Variants in EEFSEC observed in about 807,000 individuals in gnomAD.
The protein encoded by EEFSEC is selenocysteine-specific elongation factor.
EEFSEC carries 43 observed loss-of-function variants against 42.1 expected under a neutral mutation model. The observed-to-expected ratio is 1.02, with a 90% confidence interval of 0.80 to 1.32. The LOEUF is 1.32. Among genes scored for constraint, EEFSEC ranks in the 40% most tolerant of loss-of-function variants. The pLI, the probability that EEFSEC is intolerant of heterozygous loss-of-function variation, is 0.00. For synonymous variants in EEFSEC, 354 were observed against 339.1 expected (o/e 1.04, Z -0.48); for missense variants, 745 against 803.6 (o/e 0.93, Z 0.88).
At chr3:128,167,949 C>T (rs894942244) in intron 1 of EEFSEC, among the ~76,000 whole-genome samples, 1 of 152,178 alleles carries the variant, frequency 6.6e-6, no homozygotes, top group African/African-American at 2.4e-5. Context: ...ATTCTTCTGC[C>T]TCTGTGAACC....
intron 6 of EEFSEC, among the ~76,000 whole-genome samples, chr3:128,401,388 A>G (rs1022185150): frequency 1.3e-5 from 2 of 152,216 alleles, no homozygotes; most frequent in Admixed American, 6.5e-5. Flanking sequence ...GGCCCTGCAC[A>G]CAATCCTGGA....
intron 4 of EEFSEC, among the ~76,000 whole-genome samples, chr3:128,282,560 C>T (rs1362823844): frequency 6.6e-6 from 1 of 152,214 alleles, no homozygotes; most frequent in South Asian, 2.1e-4. Context: ...CATGTGCACA[C>T]GCGCACATGC....
chr3:128,207,197 A>C (rs569055052), intron 1 of EEFSEC, among the ~76,000 whole-genome samples: 5 of 143,882 alleles, frequency 3.5e-5, no homozygotes, highest in East Asian at 2.2e-4. Flanking sequence ...CTCTCCCTCT[A>C]TTTCCCTTCT....
chr3:128,341,346 C>G lies in EEFSEC; in HGVS notation c.900C>G (p.Arg300=), dbSNP rs114698998. 2.6e-5 allele frequency: 42 copies of G among 1,614,030 alleles called. No individual in the cohort carries two copies. Among genetic ancestry groups the G allele is most frequent in the Non-Finnish European group, 3.5e-5 (41 of 1,180,040 alleles). Reference sequence around the variant, plus strand: ...AGTTTGACCCTAAGCTGCTGGAGCGCGGGTTGGTGTGTGCCCCCGAGTCCC... The same window carrying G: ...AGTTTGACCCTAAGCTGCTGGAGCGGGGGTTGGTGTGTGCCCCCGAGTCCC... ...VTQFDPKLLE[R]GLVCAPESLH... The change falls in exon 5 of 7, where the codon CGC becomes CGG. Residue 300 remains arginine (R), a synonymous_variant. Transcript: ENST00000254730.
intron 6 of EEFSEC, among the ~76,000 whole-genome samples, chr3:128,377,341 C>G (rs1476268357): frequency 6.6e-6 from 1 of 152,264 alleles, no homozygotes; most frequent in Non-Finnish European, 1.5e-5. Context: ...GCTCCGGGCT[C>G]AGACAGAGCT....
intron 6 of EEFSEC, among the ~76,000 whole-genome samples, chr3:128,375,650 T>C (rs1702119): frequency 0.41 from 62,767 of 152,062 alleles, 16,007 homozygotes; most frequent in African/African-American, 0.72. Flanking sequence ...AGGCTCCCTG[T>C]CCTTCTCAAA....
At chr3:128,253,733 C>T (rs2066212771) in intron 2 of EEFSEC, among the ~76,000 whole-genome samples, 1 of 152,132 alleles carries the variant, frequency 6.6e-6, no homozygotes, top group South Asian at 2.1e-4. Context: ...CTGGGTATTG[C>T]CTTTCTCAAG....
chr3:128,221,691 A>G (rs6439122), intron 1 of EEFSEC, among the ~76,000 whole-genome samples: 107,740 of 152,076 alleles, frequency 0.71, 38,402 homozygotes, highest in East Asian at 0.89. Flanking sequence ...ACAAAATTAC[A>G]TGGCATACAG....
chr3:128,195,524 G>A (rs765861407), intron 1 of EEFSEC, among the ~76,000 whole-genome samples: 8 of 152,296 alleles, frequency 5.3e-5, no homozygotes, highest in East Asian at 1.9e-4. Context: ...AGCCACTGTC[G>A]TCTACCAGAT....
intron 1 of EEFSEC, among the ~76,000 whole-genome samples, chr3:128,168,207 G>C (rs1313182689): frequency 6.6e-6 from 1 of 152,196 alleles, no homozygotes; most frequent in Non-Finnish European, 1.5e-5. Context: ...TCTGCAAATA[G>C]TCTGTGAGGG....
At chr3:128,226,336 T>G (rs1017081486) in intron 1 of EEFSEC, among the ~76,000 whole-genome samples, 1 of 152,224 alleles carries the variant, frequency 6.6e-6, no homozygotes, top group Admixed American at 6.5e-5. Flanking sequence ...GGGCCACATG[T>G]GCTCTTGAGA....
intron 4 of EEFSEC, among the ~76,000 whole-genome samples, chr3:128,329,097 C>T (rs2067096866): frequency 6.6e-6 from 1 of 152,190 alleles, no homozygotes; most frequent in Non-Finnish European, 1.5e-5. Flanking sequence ...CTTATCATTA[C>T]TGTCATGGAC....
chr3:128,157,621 A>G (rs893346541), intron 1 of EEFSEC, among the ~76,000 whole-genome samples: 1 of 152,206 alleles, frequency 6.6e-6, no homozygotes, highest in Non-Finnish European at 1.5e-5. Context: ...AAATGGCACA[A>G]CGCAGCCTGG....
intron 1 of EEFSEC, among the ~76,000 whole-genome samples, chr3:128,219,325 A>G (rs2065841183): frequency 6.6e-6 from 1 of 152,120 alleles, no homozygotes; most frequent in Non-Finnish European, 1.5e-5. Context: ...TCACTCCCCC[A>G]CTTGAAAAAC....
the EEFSEC span, among the ~76,000 whole-genome samples, chr3:128,420,719 G>A: frequency 6.6e-6 from 1 of 152,212 alleles, no homozygotes; most frequent in Non-Finnish European, 1.5e-5. Flanking sequence ...CCGGAGGGGA[G>A]AAGTGGGGGC....
At chr3:128,282,292 C>G (rs2066535108) in intron 4 of EEFSEC, among the ~76,000 whole-genome samples, 1 of 152,252 alleles carries the variant, frequency 6.6e-6, no homozygotes, top group African/African-American at 2.4e-5. Context: ...GCCTCCTTCC[C>G]TGCTGCCGGC....
chr3:128,294,681 T>A (rs1407069043), intron 4 of EEFSEC, among the ~76,000 whole-genome samples: 39 of 152,136 alleles, frequency 2.6e-4, no homozygotes. Context: ...GTTGGCTTTC[T>A]TGGAGACATG....
At chr3:128,153,868 G>T (rs1356133412) in intron 1 of EEFSEC, 45 bp downstream of exon 1, 4 of 1,458,128 alleles carry the variant, frequency 2.7e-6, no homozygotes, top group Non-Finnish European at 9.0e-7. Flanking sequence ...GACGCGGGCG[G>T]AGCGACCGGG....
At chr3:128,378,733 T>C (rs1316446794) in intron 6 of EEFSEC, among the ~76,000 whole-genome samples, 1 of 152,202 alleles carries the variant, frequency 6.6e-6, no homozygotes, top group Non-Finnish European at 1.5e-5. Context: ...TGGCCCCAGC[T>C]GCAGGCCAGC....
Sources: gnomAD v4.1 joint callset for allele counts (sites outside exome capture counted in the v4.1 genomes callset) on GRCh38, gnomAD v4.1.1 for gene constraint, MANE v1.5 for transcripts, NCBI Gene and HGNC (gene_info 2026-07-23, HGNC 2026-07-21) for gene names.